Variants in STK39 observed in about 807,000 individuals in gnomAD.
STK39 encodes the protein serine/threonine kinase 39.
Under a neutral mutation model 77.8 loss-of-function variants are expected in STK39, and 20 were observed. The ratio of observed to expected loss-of-function variants is 0.26; its 90% confidence interval spans 0.18 to 0.37. The LOEUF (loss-of-function observed/expected upper bound fraction) is 0.37, where lower values mean the gene tolerates loss of function less well. Among genes scored for constraint, STK39 ranks in the 10% least tolerant of loss-of-function variants. The probability of loss-of-function intolerance (pLI) is 1.00; values close to 1 mark genes in which losing one functional copy is unlikely to be tolerated. For missense variants in STK39, 479 were observed against 656.5 expected (o/e 0.73, Z 2.95); for synonymous variants, 246 against 234.1 (o/e 1.05, Z -0.47).
intron 17 of STK39, 40 bp from the exon 18 acceptor site, chr2:167,955,610 C>G (rs780137229): frequency 6.3e-7 from 1 of 1,594,308 alleles, no homozygotes; most frequent in Non-Finnish European, 8.6e-7. Flanking sequence ...TGGTTTGCTG[C>G]TGCTGCTGGT....
chr2:168,117,655 AG>A, intron 10 of STK39, among the ~76,000 whole-genome samples: 1 of 152,204 alleles, frequency 6.6e-6, no homozygotes, highest in Non-Finnish European at 1.5e-5. Flanking sequence ...ATACAAGTGT[AG>A]GGAGAGGCCT....
chr2:167,977,443 A>G (rs1303146891), intron 16 of STK39, among the ~76,000 whole-genome samples: 1 of 152,210 alleles, frequency 6.6e-6, no homozygotes, highest in East Asian at 1.9e-4. Flanking sequence ...ATTTCTCTTC[A>G]GAATGAGGAT....
intron 16 of STK39, among the ~76,000 whole-genome samples, chr2:167,990,052 A>C (rs1683660689): frequency 6.6e-6 from 1 of 152,116 alleles, no homozygotes; most frequent in East Asian, 1.9e-4. Flanking sequence ...TAGAAACTAA[A>C]CTGTAAAAAA....
chr2:168,035,654 G>C (rs539802069), intron 14 of STK39, among the ~76,000 whole-genome samples: 2 of 152,254 alleles, frequency 1.3e-5, no homozygotes, highest in South Asian at 2.1e-4. Context: ...GACTCCAAAA[G>C]AGAAACCACA....
intron 16 of STK39, among the ~76,000 whole-genome samples, chr2:168,009,600 A>T (rs997418914): frequency 6.6e-6 from 1 of 152,204 alleles, no homozygotes. Context: ...CATAGTGATT[A>T]AAACAACCTG....
chr2:168,089,998 C>T (rs184746217), intron 10 of STK39, among the ~76,000 whole-genome samples: 154 of 152,292 alleles, frequency 1.0e-3, no homozygotes, highest in African/African-American at 2.9e-3. Context: ...TTTTTGAATG[C>T]ATAGTAATGT....
At chr2:168,215,517 C>T (rs1364911783) in intron 1 of STK39, among the ~76,000 whole-genome samples, 3 of 152,182 alleles carry the variant, frequency 2.0e-5, no homozygotes, top group Admixed American at 2.0e-4. Flanking sequence ...AGCTACCATG[C>T]TAAAAACTCT....
At chr2:168,081,993 CG>C (rs1239682318) in intron 10 of STK39, among the ~76,000 whole-genome samples, 2 of 152,138 alleles carry the variant, frequency 1.3e-5, no homozygotes, top group Non-Finnish European at 2.9e-5. Context: ...TGCCTAGTCT[CG>C]GGTATGTCTT....
At chr2:168,168,652 C>T (rs1445496851) in intron 2 of STK39, among the ~76,000 whole-genome samples, 1 of 152,156 alleles carries the variant, frequency 6.6e-6, no homozygotes, top group Non-Finnish European at 1.5e-5. Flanking sequence ...GGCCAAAATT[C>T]TGTAATATGT....
intron 16 of STK39, among the ~76,000 whole-genome samples, chr2:168,000,788 C>T (rs1174217628): frequency 6.6e-6 from 1 of 152,164 alleles, no homozygotes; most frequent in Non-Finnish European, 1.5e-5. Context: ...ATGAACGTGA[C>T]TTTCTAAAAA....
At chr2:168,232,989 G>C (rs1690499321) in intron 1 of STK39, among the ~76,000 whole-genome samples, 1 of 151,978 alleles carries the variant, frequency 6.6e-6, no homozygotes, top group Non-Finnish European at 1.5e-5. Flanking sequence ...CACAAAAACG[G>C]CTATAGATGA....
intron 1 of STK39, among the ~76,000 whole-genome samples, chr2:168,234,492 A>T (rs769136832): frequency 6.6e-6 from 1 of 152,204 alleles, no homozygotes; most frequent in Non-Finnish European, 1.5e-5. Context: ...TCAGCCCCGC[A>T]TAAGGGACCA....
At chr2:168,111,415 C>T (rs1001148890) in intron 10 of STK39, among the ~76,000 whole-genome samples, 7 of 152,172 alleles carry the variant, frequency 4.6e-5, no homozygotes, top group Admixed American at 6.5e-5. Context: ...TGTCTTTTCA[C>T]TATCCTCAAT....
chr2:168,024,335 GA>G (rs1421406961), intron 14 of STK39, among the ~76,000 whole-genome samples: 1 of 152,194 alleles, frequency 6.6e-6, no homozygotes, highest in Non-Finnish European at 1.5e-5. Flanking sequence ...TCAACTGTGA[GA>G]GGGGGAAATA....
At chr2:167,960,775 A>ACC (rs149078794) in intron 17 of STK39, among the ~76,000 whole-genome samples, 3 of 150,686 alleles carry the variant, frequency 2.0e-5, no homozygotes, top group African/African-American at 7.3e-5. Context: ...AGGTGCCCCC[A>ACC]CCCCCCCACC....
intron 5 of STK39, among the ~76,000 whole-genome samples, chr2:168,143,586 C>G (rs552183828): frequency 6.6e-6 from 1 of 152,110 alleles, no homozygotes; most frequent in African/African-American, 2.4e-5. Context: ...TGGTGGCACG[C>G]GCCTGTAGTC....
At chr2:168,063,825 G>C (rs1426725681) in intron 13 of STK39, among the ~76,000 whole-genome samples, 1 of 152,144 alleles carries the variant, frequency 6.6e-6, no homozygotes, top group Non-Finnish European at 1.5e-5. Flanking sequence ...TAAACAACTT[G>C]TATAAGCTGT....
intron 1 of STK39, among the ~76,000 whole-genome samples, chr2:168,210,004 A>C (rs1302998831): frequency 6.8e-6 from 1 of 146,172 alleles, no homozygotes; most frequent in African/African-American, 2.6e-5. Context: ...CTCAAAAAAA[A>C]AAAAAAAATA....
chr2:168,075,307 T>A, intron 10 of STK39, 76 bp from the exon 11 acceptor site: 1 of 1,590,968 alleles, frequency 6.3e-7, no homozygotes, highest in Admixed American at 1.7e-5. Context: ...ACTTGGGTTA[T>A]ACGGCATACA....
Sources: allele counts gnomAD v4.1 joint callset (sites outside exome capture counted in the v4.1 genomes callset), GRCh38; gene constraint gnomAD v4.1.1; transcripts MANE v1.5; gene names NCBI Gene and HGNC (gene_info 2026-07-23, HGNC 2026-07-21).